Variants in AMBP observed in about 807,000 individuals in gnomAD.
AMBP encodes protein AMBP.
In AMBP, 37 loss-of-function variants were observed where a neutral mutation model predicts 46.3. The observed-to-expected ratio is 0.80, with a 90% CI of 0.61 to 1.05. The LOEUF is 1.05. AMBP is among the 50% of genes least tolerant of loss of function. The pLI is 0.00. For synonymous variants in AMBP, 174 were observed against 175.9 expected, an observed-to-expected ratio of 0.99 and a Z score of 0.09; for missense variants, 475 against 461.2, an observed-to-expected ratio of 1.03 and a Z score of -0.27.
At chr9:114,070,762 C>T (rs1306068023) in intron 5 of AMBP, among the ~76,000 whole-genome samples, 1 of 152,126 alleles carries the variant, frequency 6.6e-6, no homozygotes, top group Non-Finnish European at 1.5e-5. Context: ...ACTAAGGGCA[C>T]CAGGTTCCTG....
At chr9:114,069,500 T>A (rs1846722651) in intron 6 of AMBP, among the ~76,000 whole-genome samples, 199 bp downstream of exon 6, 1 of 152,208 alleles carries the variant, frequency 6.6e-6, no homozygotes, top group Admixed American at 6.5e-5. Flanking sequence ...GAGGTCCAGA[T>A]GGATTGGCAA....
chr9:114,060,364 G>T, intron 9 of AMBP, 94 bp from the exon 10 acceptor site: 2 of 1,356,406 alleles, frequency 1.5e-6, no homozygotes, highest in Non-Finnish European at 2.1e-6. Context: ...ACCTCTGCTT[G>T]CTGAATCATT....
In AMBP at chr9:114,078,005, C is replaced by T. The variant is rs547224968; in HGVS notation, c.117+88G>A. On this transcript the variant is annotated intron_variant, in intron 1 of 9. Transcript: ENST00000265132. ...TGATCTGAGTGGAAGCCTGAGACCC[C>T]GAGACAGGCCGCACTTGCCCAGCAG... is the stretch of plus-strand genomic sequence containing the variant. 2.2e-5 allele frequency: 30 copies of T among 1,336,416 alleles called. No individual in the cohort carries two copies. In the East Asian group the frequency reaches 2.5e-4, roughly 11 times the overall value. 82.8% of individuals were successfully genotyped at this position (1,336,416 alleles called of 1,614,324 possible).
chr9:114,075,515 C>T (rs1010048384), intron 2 of AMBP, among the ~76,000 whole-genome samples: 1 of 152,156 alleles, frequency 6.6e-6, no homozygotes, highest in Admixed American at 6.5e-5. Context: ...GCACTATATA[C>T]GAATTAGCTA....
chr9:114,060,355 CCT>C, intron 9 of AMBP, 85 bp from the exon 10 acceptor site: 1 of 1,409,452 alleles, frequency 7.1e-7, no homozygotes, highest in Non-Finnish European at 9.9e-7. Flanking sequence ...GGGCCAGAAA[CCT>C]CTGCTTGCTG....
intron 5 of AMBP, 128 bp from the exon 6 acceptor site, chr9:114,069,873 G>T: frequency 1.1e-6 from 1 of 915,504 alleles, no homozygotes; most frequent in Non-Finnish European, 1.7e-6. Flanking sequence ...CTTCATGAAT[G>T]GTCCTGCCTG....
intron 7 of AMBP, 33 bp from the exon 8 acceptor site, chr9:114,061,624 G>C (rs1356514897): frequency 2.6e-6 from 4 of 1,559,240 alleles, no homozygotes; most frequent in Non-Finnish European, 3.5e-6. Flanking sequence ...CACTGACCAA[G>C]TGTTGACTGT....
chr9:114,065,469 C>A (rs1298430849), intron 6 of AMBP, among the ~76,000 whole-genome samples: 2 of 152,168 alleles, frequency 1.3e-5, no homozygotes, highest in African/African-American at 2.4e-5. Flanking sequence ...CAGAAGGAAC[C>A]AACCCTACCA....
chr9:114,076,741 C>A lies in AMBP; in HGVS notation c.118-1G>T. 1 of 1,613,876 alleles carries A rather than the reference C, an allele frequency of 6.2e-7. No individual in the cohort carries two copies. The highest frequency in any genetic ancestry group is 8.5e-7 in the Non-Finnish European group (1 of 1,179,854). On this transcript the variant is annotated splice_acceptor_variant, in intron 1 of 9. Transcript: ENST00000265132. LOFTEE classifies it high-confidence loss of function. ...CCAGGTTGTACCACTTCCCATAGAT[C>A]TAGGAGGCAGGTGAGCTCTGGGGGT...
At position 114,076,486 on chromosome 9, in the gene AMBP, G is replaced by A. The variant is rs576424607; in HGVS notation, c.260+112C>T. On this transcript the variant is annotated intron_variant, in intron 2 of 9. Coordinates refer to ENST00000265132, the MANE Select transcript of AMBP (RefSeq NM_001633.4). ...AGCGTAGAGGGATCTGGGGTTCAGC[G>A]GGAAGGTCCTGACTGGAAGCAGAGA... 2.7e-5 allele frequency: 40 copies of A among 1,469,546 alleles called. No individual in the cohort carries two copies. The East Asian group carries it at 8.1e-4, about 30-fold the overall frequency. 91.0% of individuals were successfully genotyped at this position (1,469,546 alleles called of 1,614,324 possible).
At chr9:114,064,102 A>G (rs1846668367) in intron 6 of AMBP, among the ~76,000 whole-genome samples, 1 of 152,216 alleles carries the variant, frequency 6.6e-6, no homozygotes, top group Non-Finnish European at 1.5e-5. Flanking sequence ...TTTAAGAGGG[A>G]AAAGGTTGTA....
At position 114,072,925 on chromosome 9, in the gene AMBP, C is replaced by G. The variant is rs201558698; in HGVS notation, c.556G>C (p.Gly186Arg). ...EDSIFTMADRGECVPGEQEPE... is the reference protein window; with the variant it reads ...EDSIFTMADRRECVPGEQEPE... ...TTTGAGGCGGAGGGGTGCTATGTAC[C>G]TCGGTCAGCCATGGTGAAGATGGAG... Residue 186 changes from glycine to arginine, a missense_variant and splice_region_variant, in exon 5 of 10, where the codon GGT becomes CGT. This residue lies in a region of AMBP where 293 missense variants were observed against 276.9 expected (regional missense o/e 1.06). Transcript: ENST00000265132. The G allele has an allele frequency of 9.5e-5, 153 of 1,613,694 alleles. No homozygotes were observed. The Middle Eastern group carries it at 2.1e-3, about 23-fold the overall frequency.
intron 5 of AMBP, among the ~76,000 whole-genome samples, chr9:114,072,373 A>G (rs889173136): frequency 6.6e-6 from 1 of 152,196 alleles, no homozygotes; most frequent in Non-Finnish European, 1.5e-5. Context: ...AGCAGCCAGT[A>G]TGTTTGACTG....
At chr9:114,063,709 C>CAA (rs57148056) in intron 6 of AMBP, among the ~76,000 whole-genome samples, 1 of 151,354 alleles carries the variant, frequency 6.6e-6, no homozygotes, top group Non-Finnish European at 1.5e-5. Flanking sequence ...AAAAAAACAA[C>CAA]AAAAAAAAGA....
rs148306648 is a variant in AMBP, at chr9:114,060,286, G to A, written c.1028-16C>T. 1 of 1,612,866 alleles carries A rather than the reference G, an allele frequency of 6.2e-7. No homozygotes were observed. Among genetic ancestry groups the A allele is most frequent in the Non-Finnish European group, 8.5e-7 (1 of 1,179,528 alleles). On this transcript the variant is annotated splice_polypyrimidine_tract_variant and intron_variant, in intron 9 of 9. Coordinates refer to ENST00000265132, the MANE Select transcript of AMBP (RefSeq NM_001633.4). ...TCCTCATCACCTGTGGACACAGAGA[G>A]ACTCAGGGAGGGGTCCGTAGGCAGG...
In AMBP at chr9:114,074,115, G is replaced by C. The variant is rs775939616; in HGVS notation, c.375C>G (p.Thr125=). ...NITMESYVVH[T]NYDEYAIFLT... is the part of the protein sequence containing the mutation. ...GGAAAATGGCATACTCATCATAGTT[G>C]GTGTGGACCACATAGGACTCCATGG... The change falls in exon 4 of 10, where the codon ACC becomes ACG. Residue 125 remains threonine, a synonymous_variant. Coordinates refer to ENST00000265132, the MANE Select transcript of AMBP (RefSeq NM_001633.4). The C allele has an allele frequency of 6.2e-7, 1 of 1,614,102 alleles. No homozygotes were observed. Among genetic ancestry groups the C allele is most frequent in the African/African-American group, 1.3e-5 (1 of 74,986 alleles).
At chr9:114,065,797 C>T (rs1352813611) in intron 6 of AMBP, among the ~76,000 whole-genome samples, 1 of 152,050 alleles carries the variant, frequency 6.6e-6, no homozygotes, top group African/African-American at 2.4e-5. Flanking sequence ...CCCATTGTAC[C>T]AGAACAAACA....
intron 6 of AMBP, among the ~76,000 whole-genome samples, chr9:114,064,498 C>T (rs886420161): frequency 2.0e-5 from 3 of 151,972 alleles, no homozygotes; most frequent in Non-Finnish European, 4.4e-5. Context: ...TGGTGAGAAA[C>T]GGGAAATAGA....
rs1322094954 is a variant in AMBP, at chr9:114,069,693, A to C, written c.603+6T>G. 1 of 1,612,474 alleles carries C rather than the reference A, an allele frequency of 6.2e-7. No individual in the cohort carries two copies. Among genetic ancestry groups the C allele is most frequent in the Middle Eastern group, 1.8e-4 (1 of 5,710 alleles). Reference sequence around the variant, plus strand: ...GTGGGATGGGGTCGGGGGATGAGGCACTCACCGGGATTAAGATGGGCTCTG... The same window carrying C: ...GTGGGATGGGGTCGGGGGATGAGGCCCTCACCGGGATTAAGATGGGCTCTG... On this transcript the variant is annotated splice_donor_region_variant and intron_variant, in intron 6 of 9. Coordinates refer to ENST00000265132, the MANE Select transcript of AMBP (RefSeq NM_001633.4).
Sources: gnomAD v4.1 joint callset for allele counts (sites outside exome capture counted in the v4.1 genomes callset) on GRCh38, gnomAD v4.1.1 for gene constraint, gnomAD v4.1.1 regional missense constraint, MANE v1.5 for transcripts, NCBI Gene and HGNC (gene_info 2026-07-23, HGNC 2026-07-21) for gene names.